CDH8: variants seen among roughly 807,000 people sequenced by gnomAD.
CDH8 encodes the protein cadherin 8.
CDH8 carries 17 observed loss-of-function variants against 68.1 expected under a neutral mutation model. The ratio of observed to expected loss-of-function variants is 0.25; its 90% CI spans 0.17 to 0.37. The LOEUF (loss-of-function observed/expected upper bound fraction) is 0.37, where lower values mean the gene tolerates loss of function less well. CDH8 is among the 10% of genes least tolerant of loss of function. CDH8 has a pLI of 1.00. For synonymous variants in CDH8, 372 were observed against 365.1 expected, an observed-to-expected ratio of 1.02 and a Z score of -0.21; for missense variants, 763 against 999.3, an observed-to-expected ratio of 0.76 and a Z score of 3.19.
intron 8 of CDH8, among the ~76,000 whole-genome samples, chr16:61,768,551 T>G (rs955787346): frequency 4.0e-5 from 6 of 151,486 alleles, no homozygotes; most frequent in African/African-American, 1.5e-4. Flanking sequence ...TGATCTGCCC[T>G]GGGAACAATT....
intron 8 of CDH8, among the ~76,000 whole-genome samples, chr16:61,762,737 C>G (rs1166204772): frequency 6.6e-6 from 1 of 152,088 alleles, no homozygotes; most frequent in Non-Finnish European, 1.5e-5. Flanking sequence ...ATAACTATTT[C>G]ATATGAATAA....
chr16:61,870,901 G>T (rs906083108), intron 3 of CDH8, among the ~76,000 whole-genome samples: 2 of 152,096 alleles, frequency 1.3e-5, no homozygotes, highest in African/African-American at 4.8e-5. Flanking sequence ...GAGCTTCTAT[G>T]TTTCTGGTAC....
intron 8 of CDH8, among the ~76,000 whole-genome samples, chr16:61,749,257 T>C (rs1449325043): frequency 6.6e-6 from 1 of 152,030 alleles, no homozygotes; most frequent in East Asian, 1.9e-4. Flanking sequence ...ATATGAATGA[T>C]AAGAACCATA....
At chr16:61,728,873 T>TA (rs144606372) in intron 8 of CDH8, among the ~76,000 whole-genome samples, 17,001 of 150,970 alleles carry the variant, frequency 0.11, 1,083 homozygotes, top group South Asian at 0.16. Context: ...ATTTTTTTCC[T>TA]AAAAAAACTG....
intron 7 of CDH8, among the ~76,000 whole-genome samples, chr16:61,813,757 T>C (rs1962010056): frequency 6.6e-6 from 1 of 152,268 alleles, no homozygotes; most frequent in Admixed American, 6.5e-5. Context: ...TTCCTTGTTA[T>C]GTGATAAGAA....
chr16:62,017,546 G>T (rs920139902), intron 2 of CDH8, among the ~76,000 whole-genome samples: 2 of 152,086 alleles, frequency 1.3e-5, no homozygotes, highest in Non-Finnish European at 2.9e-5. Flanking sequence ...AGCCAAGCAT[G>T]GTGGTGCATG....
At chr16:61,983,532 A>G (rs1965573584) in intron 2 of CDH8, among the ~76,000 whole-genome samples, 1 of 152,234 alleles carries the variant, frequency 6.6e-6, no homozygotes, top group African/African-American at 2.4e-5. Context: ...ATTGTTTTAT[A>G]AAATGATTTA....
chr16:61,821,733 A>G (rs1371314270), intron 5 of CDH8, among the ~76,000 whole-genome samples: 2 of 151,954 alleles, frequency 1.3e-5, no homozygotes, highest in African/African-American at 2.4e-5. Context: ...GCAAAATACA[A>G]TCAAGTGTAT....
chr16:61,769,221 G>A (rs1222915392), intron 8 of CDH8, among the ~76,000 whole-genome samples: 1 of 151,776 alleles, frequency 6.6e-6, no homozygotes, highest in Non-Finnish European at 1.5e-5. Flanking sequence ...ATGTCTCAAA[G>A]ACTCTAAAGA....
chr16:61,709,236 T>C (rs1426901404), intron 10 of CDH8, among the ~76,000 whole-genome samples: 5 of 152,110 alleles, frequency 3.3e-5, no homozygotes, highest in African/African-American at 7.2e-5. Context: ...AAAAGGACAA[T>C]TGGCTTAGCA....
intron 3 of CDH8, among the ~76,000 whole-genome samples, chr16:61,899,605 G>T (rs912516734): frequency 1.3e-5 from 2 of 151,830 alleles, no homozygotes; most frequent in African/African-American, 4.8e-5. Flanking sequence ...TTATGGGGAA[G>T]AAAAAAGAAC....
At chr16:61,656,348 A>G (rs1446185625) in intron 10 of CDH8, among the ~76,000 whole-genome samples, 1 of 152,212 alleles carries the variant, frequency 6.6e-6, no homozygotes, top group Non-Finnish European at 1.5e-5. Context: ...TCCATATACC[A>G]TATATAAGCT....
rs71134375 is a variant in CDH8 at position 61,751,382 on chromosome 16, TAAAAAAAAAAAAAAA to T, written c.1415-24182_1415-24168del. On this transcript the variant is annotated intron_variant, in intron 8 of 11. Coordinates refer to ENST00000577390, the MANE Select transcript of CDH8 (RefSeq NM_001796.5). Reference sequence around the variant, plus strand: ...CACAAATGTCCTTCCATATTCTCCTTAAAAAAAAAAAAAAAAAAAAAAAAAAAAACAAGCAGTTTA... The same window carrying T: ...CACAAATGTCCTTCCATATTCTCCTTAAAAAAAAAAAAAACAAGCAGTTTA... Among the ~76,000 whole-genome samples, 61 of 54,152 alleles carry T rather than the reference TAAAAAAAAAAAAAAA, an allele frequency of 1.1e-3. 1 individual carries two copies. In the East Asian group the frequency reaches 0.05, roughly 44 times the overall value. The allele number at this position is 54,152 out of a possible 152,430, so 35.5% of individuals were successfully genotyped here.
At chr16:61,842,602 AAAAC>A (rs1306366510) in intron 4 of CDH8, among the ~76,000 whole-genome samples, 1 of 152,192 alleles carries the variant, frequency 6.6e-6, no homozygotes, top group African/African-American at 2.4e-5. Flanking sequence ...ATTCTATATG[AAAAC>A]AAACATATAC....
intron 8 of CDH8, among the ~76,000 whole-genome samples, chr16:61,768,375 T>C (rs1960677602): frequency 5.8e-5 from 6 of 103,322 alleles, no homozygotes; most frequent in African/African-American, 8.7e-5. Context: ...TCTCCCTTTC[T>C]CTCTCTCTCT....
At chr16:62,003,113 T>A (rs772718704) in intron 2 of CDH8, among the ~76,000 whole-genome samples, 14 of 152,168 alleles carry the variant, frequency 9.2e-5, no homozygotes, top group African/African-American at 1.2e-4. Context: ...TTACAAATTG[T>A]CTTAATAAGT....
chr16:61,993,310 A>T (rs543131919), intron 2 of CDH8, among the ~76,000 whole-genome samples: 20 of 152,104 alleles, frequency 1.3e-4, no homozygotes, highest in Middle Eastern at 3.4e-3. Context: ...CCTTTCCTCC[A>T]GCACTCTTTA....
At chr16:61,873,276 C>T (rs2143067223) in intron 3 of CDH8, among the ~76,000 whole-genome samples, 1 of 152,126 alleles carries the variant, frequency 6.6e-6, no homozygotes, top group South Asian at 2.1e-4. Context: ...TTTTTTCAAC[C>T]ACTTTTATTT....
chr16:61,653,740 A>G lies in CDH8; in HGVS notation c.2268T>C (p.Ala756=). The change falls in exon 12 of 12, where the codon GCT becomes GCC. Residue 756 remains alanine, a synonymous_variant. Coordinates refer to ENST00000577390, the MANE Select transcript of CDH8 (RefSeq NM_001796.5). ...TGGACTCCAAGGAGCTGAGGGAGCC[A>G]GCCACTGACCCTCGGCCTTCATAGC... ...IYGYEGRGSV[A]GSLSSLESTT... 3.7e-6 allele frequency: 6 copies of G among 1,614,224 alleles called. No individual in the cohort carries two copies. The highest frequency in any genetic ancestry group is 5.1e-6 in the Non-Finnish European group (6 of 1,180,030).
Sources: gnomAD v4.1 joint callset for allele counts (sites outside exome capture counted in the v4.1 genomes callset) on GRCh38, gnomAD v4.1.1 for gene constraint, MANE v1.5 for transcripts, NCBI Gene and HGNC (gene_info 2026-07-23, HGNC 2026-07-21) for gene names.